The following OPCML variants were observed in gnomAD, a reference collection of about 807,000 sequenced individuals.
OPCML encodes opioid-binding protein/cell adhesion molecule.
In OPCML, 13 loss-of-function variants were observed where a neutral mutation model predicts 37.8. The observed-to-expected ratio is 0.34, with a 90% confidence interval of 0.22 to 0.55. The LOEUF (loss-of-function observed/expected upper bound fraction) is 0.55, where lower values mean the gene tolerates loss of function less well. Ranked by LOEUF, OPCML falls within the 20% of genes least tolerant of loss-of-function variation. The probability of loss-of-function intolerance (pLI) is 0.91; values close to 1 mark genes in which losing one functional copy is unlikely to be tolerated. For synonymous variants in OPCML, 176 were observed against 168.8 expected (o/e 1.04, Z -0.33); for missense variants, 341 against 435.6 (o/e 0.78, Z 1.93).
At chr11:132,487,530 C>G (rs2096203652) in intron 4 of OPCML, among the ~76,000 whole-genome samples, 1 of 152,192 alleles carries the variant, frequency 6.6e-6, no homozygotes, top group Non-Finnish European at 1.5e-5. Flanking sequence ...CTTCATGCAG[C>G]CTGCTGTTTG....
intron 2 of OPCML, among the ~76,000 whole-genome samples, chr11:132,669,939 T>C (rs1942388201): frequency 6.6e-6 from 1 of 152,156 alleles, no homozygotes; most frequent in Non-Finnish European, 1.5e-5. Flanking sequence ...TAGTCAGGGA[T>C]GCCTTAAGAA....
At chr11:133,379,997 T>C (rs1944898266) in intron 1 of OPCML, among the ~76,000 whole-genome samples, 1 of 152,208 alleles carries the variant, frequency 6.6e-6, no homozygotes, top group Non-Finnish European at 1.5e-5. Flanking sequence ...ATTTTGTCTA[T>C]GCATCTGCGT....
intron 7 of OPCML, among the ~76,000 whole-genome samples, chr11:132,420,896 C>A (rs572065716): frequency 9.2e-5 from 14 of 152,234 alleles, no homozygotes; most frequent in Admixed American, 3.9e-4. Context: ...GTGCTGCCTC[C>A]CTAAAGGCCT....
At chr11:133,519,037 A>G (rs532586952) in intron 1 of OPCML, among the ~76,000 whole-genome samples, 1 of 152,144 alleles carries the variant, frequency 6.6e-6, no homozygotes, top group East Asian at 1.9e-4. Flanking sequence ...GAACATCCTG[A>G]GGGCTCAGGA....
chr11:132,911,495 T>C (rs1184610251), intron 2 of OPCML, among the ~76,000 whole-genome samples: 1 of 152,218 alleles, frequency 6.6e-6, no homozygotes, highest in Non-Finnish European at 1.5e-5. Context: ...TTTGCCTGAT[T>C]GTCTCGGGAA....
intron 1 of OPCML, chr11:133,422,400 T>TATATATATATATATATATATATATATAC (rs1165604268): frequency 1.1e-6 from 1 of 950,352 alleles, no homozygotes; most frequent in African/African-American, 2.1e-5. Flanking sequence ...TATATGTATA[T>TATATATATATATATATATATATATATAC]ATGCGCCAGT....
chr11:133,195,986 A>T (rs992961693), intron 1 of OPCML, among the ~76,000 whole-genome samples: 2 of 152,212 alleles, frequency 1.3e-5, no homozygotes, highest in African/African-American at 4.8e-5. Flanking sequence ...GGCTCAGAGA[A>T]TATAAATTTA....
At chr11:133,119,141 C>G (rs1949382580) in intron 1 of OPCML, among the ~76,000 whole-genome samples, 1 of 152,058 alleles carries the variant, frequency 6.6e-6, no homozygotes, top group African/African-American at 2.4e-5. Flanking sequence ...GCCCCAGGCT[C>G]TATAAATGGC....
At chr11:132,463,521 G>A (rs532947804) in intron 4 of OPCML, among the ~76,000 whole-genome samples, 14 of 152,308 alleles carry the variant, frequency 9.2e-5, no homozygotes, top group African/African-American at 3.1e-4. Context: ...AAGATTCCAC[G>A]TGATTCTCAC....
intron 1 of OPCML, among the ~76,000 whole-genome samples, chr11:133,511,650 T>C (rs1028904775): frequency 1.3e-5 from 2 of 151,900 alleles, no homozygotes; most frequent in African/African-American, 4.8e-5. Context: ...ACTGGCCTGT[T>C]TGTAATTGCG....
rs532822032 is a variant in OPCML at position 133,501,671 on chromosome 11, G to A, written c.61+30593C>T. 4.1e-4 allele frequency among the ~76,000 whole-genome samples: 63 copies of A among 152,166 alleles called. 1 individual carries two copies. The highest frequency in any genetic ancestry group is 3.4e-4 in the Non-Finnish European group (23 of 67,986). On this transcript the variant is annotated intron_variant, in intron 1 of 7. Transcript: ENST00000524381. ...CCCCTCTGCCTGCAGGTTACTGTGA[G>A]GGGAGCTGGCTTCATGGGGGAGTGC...
chr11:133,140,835 A>AC (rs1949781001), intron 1 of OPCML, among the ~76,000 whole-genome samples: 1 of 49,486 alleles, frequency 2.0e-5, no homozygotes, highest in African/African-American at 5.4e-5. Flanking sequence ...ACGACGACGA[A>AC]GAAGACGACG....
intron 7 of OPCML, among the ~76,000 whole-genome samples, chr11:132,423,145 C>T (rs1267501923): frequency 2.0e-5 from 3 of 152,166 alleles, no homozygotes; most frequent in African/African-American, 7.2e-5. Flanking sequence ...TTCAGAATTC[C>T]ATCTCCCCTG....
chr11:132,542,480 G>A (rs1020321360), intron 3 of OPCML, among the ~76,000 whole-genome samples: 1 of 152,132 alleles, frequency 6.6e-6, no homozygotes, highest in East Asian at 1.9e-4. Context: ...TCTCTATCCA[G>A]GTCTGGAGCA....
At chr11:132,474,364 G>C (rs2096147897) in intron 4 of OPCML, among the ~76,000 whole-genome samples, 1 of 152,058 alleles carries the variant, frequency 6.6e-6, no homozygotes, top group South Asian at 2.1e-4. Flanking sequence ...AAGAGGAATT[G>C]GACCTCTTCA....
intron 1 of OPCML, among the ~76,000 whole-genome samples, chr11:133,509,305 G>A (rs1389546743): frequency 6.6e-6 from 1 of 152,188 alleles, no homozygotes; most frequent in Non-Finnish European, 1.5e-5. Flanking sequence ...CCACTTGTAA[G>A]TGAGAACATG....
chr11:133,488,920 A>G (rs1947592417), intron 1 of OPCML, among the ~76,000 whole-genome samples: 2 of 114,888 alleles, frequency 1.7e-5, no homozygotes, highest in Non-Finnish European at 3.4e-5. Context: ...CCCACCCCCA[A>G]AAGCCATGTA....
At chr11:132,898,950 T>C (rs1943950297) in intron 2 of OPCML, among the ~76,000 whole-genome samples, 1 of 151,672 alleles carries the variant, frequency 6.6e-6, no homozygotes, top group Non-Finnish European at 1.5e-5. Flanking sequence ...ACTGGATTAC[T>C]ACTCCACTGG....
chr11:132,536,687 G>T (rs1042751071), intron 3 of OPCML, among the ~76,000 whole-genome samples: 1 of 152,202 alleles, frequency 6.6e-6, no homozygotes, highest in East Asian at 1.9e-4. Context: ...TCCTTCTGGG[G>T]CTACCTTTTT....
Sources: allele counts gnomAD v4.1 joint callset (sites outside exome capture counted in the v4.1 genomes callset), GRCh38; gene constraint gnomAD v4.1.1; transcripts MANE v1.5; gene names NCBI Gene and HGNC (gene_info 2026-07-23, HGNC 2026-07-21).